The following SPSB4 variants were observed in gnomAD, a reference collection of about 807,000 sequenced individuals.
SPSB4 encodes the protein splA/ryanodine receptor domain and SOCS box containing 4.
In SPSB4, 21 loss-of-function variants were observed where a neutral mutation model predicts 20.9. The ratio of observed to expected loss-of-function variants is 1.01; its 90% confidence interval spans 0.71 to 1.45. SPSB4 has a LOEUF of 1.45. SPSB4 is among the 40% of genes most tolerant of loss of function. The pLI is 0.00. For synonymous variants in SPSB4, 207 were observed against 183.8 expected (o/e 1.13, Z -1.02); for missense variants, 399 against 399.2 (o/e 1.00, Z 0.00).
rs78328503 is a variant in SPSB4 at position 141,082,563 on chromosome 3, G to A, written c.694+15765G>A. 7.3e-3 allele frequency among the ~76,000 whole-genome samples: 1,113 copies of A among 152,304 alleles called. 9 individuals are homozygous for A. Among genetic ancestry groups the A allele is most frequent in the African/African-American group, 0.024 (1,003 of 41,554 alleles). On this transcript the variant is annotated intron_variant, in intron 2 of 2. Transcript: ENST00000310546. Reference sequence around the variant, plus strand: ...GCTGTGCTTTCCAGCAATATAGGCGGTGAAGAAAAGCCAAAGTAACCATTT... The same window carrying A: ...GCTGTGCTTTCCAGCAATATAGGCGATGAAGAAAAGCCAAAGTAACCATTT...
At chr3:141,063,545 G>T (rs1168719338) in intron 1 of SPSB4, among the ~76,000 whole-genome samples, 2 of 152,262 alleles carry the variant, frequency 1.3e-5, no homozygotes, top group East Asian at 3.9e-4. Context: ...TAGCCAAAAT[G>T]GATTTAATCT....
chr3:141,115,642 AAAAC>A (rs1292195967), intron 2 of SPSB4, among the ~76,000 whole-genome samples: 2 of 152,246 alleles, frequency 1.3e-5, no homozygotes, highest in African/African-American at 2.4e-5. Context: ...AAATTTATCT[AAAAC>A]AAAAAATCAT....
chr3:141,115,652 A>G (rs932821394), intron 2 of SPSB4, among the ~76,000 whole-genome samples: 3 of 152,242 alleles, frequency 2.0e-5, no homozygotes, highest in African/African-American at 7.2e-5. Context: ...AAAACAAAAA[A>G]TCATTTGCCT....
At chr3:141,134,571 T>C (rs1939193665) in intron 2 of SPSB4, among the ~76,000 whole-genome samples, 1 of 152,184 alleles carries the variant, frequency 6.6e-6, no homozygotes, top group Non-Finnish European at 1.5e-5. Context: ...TCTATTGACA[T>C]GCTTATATGA....
chr3:141,140,349 C>T (rs751630208), intron 2 of SPSB4, among the ~76,000 whole-genome samples: 2 of 152,218 alleles, frequency 1.3e-5, no homozygotes, highest in Non-Finnish European at 2.9e-5. Context: ...AAGTCATTCT[C>T]CATCCAGCTT....
intron 2 of SPSB4, among the ~76,000 whole-genome samples, chr3:141,076,652 T>TTAC (rs1938115393): frequency 6.6e-6 from 1 of 152,192 alleles, no homozygotes; most frequent in Non-Finnish European, 1.5e-5. Flanking sequence ...GAGCCAGCAG[T>TTAC]TGCTTGGGGG....
intron 2 of SPSB4, among the ~76,000 whole-genome samples, chr3:141,070,003 C>T (rs1037155608): frequency 1.3e-5 from 2 of 152,166 alleles, no homozygotes; most frequent in African/African-American, 4.8e-5. Flanking sequence ...GGTGTGATTT[C>T]CTATTGCAAA....
Position 141,137,484 on chromosome 3 carries a change from C to T in SPSB4, c.695-9658C>T, listed in dbSNP as rs184593990. Among the ~76,000 whole-genome samples, 85 of 152,272 alleles carry T rather than the reference C, an allele frequency of 5.6e-4. No individual in the cohort carries two copies. In the East Asian group the frequency reaches 0.015, roughly 27 times the overall value. ...TTGGCTGTGGGTTTGTCATAGATAG[C>T]TCTCATTATTTAGAGATATGTCCCA... On this transcript the variant is annotated intron_variant, in intron 2 of 2. Transcript: ENST00000310546.
rs1939455734 is a variant in SPSB4 at position 141,148,545 on chromosome 3, C to G, written c.*1276C>G. ...CTCTTCCTCCCCACCCCACTGCCCC[C>G]ACCTTAATGTGAATTTGACTGATGA... On this transcript the variant is annotated 3_prime_UTR_variant, in exon 3 of 3. Coordinates refer to ENST00000310546, the MANE Select transcript of SPSB4 (RefSeq NM_080862.3). The surrounding 1 kb of genome is among the most constrained non-coding windows in gnomAD (Gnocchi z 4.5). 6.5e-6 allele frequency: 1 copy of G among 152,730 alleles called. No homozygotes were observed. The highest frequency in any genetic ancestry group is 1.5e-5 in the Non-Finnish European group (1 of 68,072). The allele number at this position is 152,730 out of a possible 1,614,324, so 9.5% of individuals were successfully genotyped here. A position where few individuals can be genotyped will look rare whatever the true frequency, so the allele number is the denominator to read the frequency against.
At chr3:141,143,551 C>G (rs781124221) in intron 2 of SPSB4, among the ~76,000 whole-genome samples, 12 of 152,178 alleles carry the variant, frequency 7.9e-5, no homozygotes, top group Non-Finnish European at 1.6e-4. Flanking sequence ...CTGTGAGAGT[C>G]TTTGGTTATA....
intron 2 of SPSB4, among the ~76,000 whole-genome samples, chr3:141,139,112 T>C (rs966297158): frequency 6.6e-6 from 1 of 152,218 alleles, no homozygotes; most frequent in Non-Finnish European, 1.5e-5. Flanking sequence ...TCTCTTTTGA[T>C]CTTTGTTGGT....
intron 2 of SPSB4, among the ~76,000 whole-genome samples, chr3:141,080,021 A>T (rs568986537): frequency 2.6e-5 from 4 of 152,228 alleles, no homozygotes; most frequent in South Asian, 4.2e-4. Flanking sequence ...TATTTTTTTT[A>T]AAAGTTATAC....
chr3:141,106,981 CCTT>C (rs1465243927), intron 2 of SPSB4, among the ~76,000 whole-genome samples: 1 of 152,216 alleles, frequency 6.6e-6, no homozygotes, highest in Non-Finnish European at 1.5e-5. Flanking sequence ...ACCTGTTGCT[CCTT>C]CTTATTGCAG....
intron 2 of SPSB4, among the ~76,000 whole-genome samples, chr3:141,081,793 G>T (rs145349485): frequency 4.6e-5 from 7 of 152,196 alleles, no homozygotes; most frequent in African/African-American, 7.2e-5. Flanking sequence ...GGGCTGTTAT[G>T]GAGATGAAAT....
intron 2 of SPSB4, among the ~76,000 whole-genome samples, chr3:141,142,803 CTTTTTTTTTTTTTTTTT>C (rs57674247): frequency 6.5e-5 from 4 of 61,992 alleles, no homozygotes; most frequent in Non-Finnish European, 1.3e-4. Context: ...CCCTCTTTGT[CTTTTTTTTTTTTTTTTT>C]TTTTTTTTTT....
chr3:141,095,347 C>T (rs751144671), intron 2 of SPSB4, among the ~76,000 whole-genome samples: 1 of 152,108 alleles, frequency 6.6e-6, no homozygotes, highest in Non-Finnish European at 1.5e-5. Flanking sequence ...TTGTTTGGGT[C>T]GCTGCCTGGA....
At chr3:141,116,592 G>A (rs1938883869) in intron 2 of SPSB4, among the ~76,000 whole-genome samples, 1 of 152,180 alleles carries the variant, frequency 6.6e-6, no homozygotes, top group South Asian at 2.1e-4. Flanking sequence ...CTGTGACCTT[G>A]AGCAAGTGCC....
intron 2 of SPSB4, among the ~76,000 whole-genome samples, chr3:141,117,746 A>G (rs1398490089): frequency 6.6e-6 from 1 of 152,246 alleles, no homozygotes; most frequent in Non-Finnish European, 1.5e-5. Context: ...GAGTGAGAAC[A>G]TACAGTGTTT....
intron 2 of SPSB4, among the ~76,000 whole-genome samples, chr3:141,101,851 C>T (rs1334493441): frequency 2.0e-5 from 3 of 152,226 alleles, no homozygotes; most frequent in Non-Finnish European, 4.4e-5. Flanking sequence ...CGTTTCCACG[C>T]ACCAGCCCTT....
Sources: gnomAD v4.1 joint callset for allele counts (sites outside exome capture counted in the v4.1 genomes callset) on GRCh38, gnomAD v4.1.1 for gene constraint, Gnocchi (gnomAD v3.1) non-coding constraint, MANE v1.5 for transcripts, NCBI Gene and HGNC (gene_info 2026-07-23, HGNC 2026-07-21) for gene names.